ACOT11: variants seen among roughly 807,000 people sequenced by gnomAD.
ACOT11 encodes the protein acyl-coenzyme A thioesterase 11.
ACOT11 carries 69 observed loss-of-function variants against 77.5 expected under a neutral mutation model. The observed-to-expected ratio is 0.89, with a 90% CI of 0.73 to 1.09. The LOEUF (loss-of-function observed/expected upper bound fraction) is 1.09, where lower values mean the gene tolerates loss of function less well. Among genes scored for constraint, ACOT11 ranks in the 50% least tolerant of loss-of-function variants. The pLI is 0.00. For missense variants in ACOT11, 766 were observed against 813.7 expected (o/e 0.94, Z 0.71); for synonymous variants, 279 against 313.0 (o/e 0.89, Z 1.15).
chr1:54,610,072 A>G lies in ACOT11; in HGVS notation c.*960A>G, dbSNP rs1455822150. 5 of 1,438,142 alleles carry G rather than the reference A, an allele frequency of 3.5e-6. No individual in the cohort carries two copies. Among genetic ancestry groups the G allele is most frequent in the Non-Finnish European group, 3.6e-6 (4 of 1,101,294 alleles). 89.1% of individuals were successfully genotyped at this position (1,438,142 alleles called of 1,614,324 possible). A position where few individuals can be genotyped will look rare whatever the true frequency, so the allele number is the denominator to read the frequency against. On this transcript the variant is annotated 3_prime_UTR_variant, in exon 16 of 16. Transcript: ENST00000343744. Reference sequence around the variant, plus strand: ...TTGCCTCTCTGGAATCTGTCAACCCAGTTTTGGGCTCCAGGTGGATGGGTT... The same window carrying G: ...TTGCCTCTCTGGAATCTGTCAACCCGGTTTTGGGCTCCAGGTGGATGGGTT...
intron 1 of ACOT11, among the ~76,000 whole-genome samples, chr1:54,550,362 C>T (rs1459306780): frequency 6.6e-6 from 1 of 152,198 alleles, no homozygotes; most frequent in East Asian, 1.9e-4. Flanking sequence ...TAAGAACACT[C>T]TGGCCTTGAT....
chr1:54,637,932 A>G (rs1644339940), exon 17 of ACOT11: 1 of 152,142 alleles, frequency 6.6e-6, no homozygotes, highest in Admixed American at 6.5e-5. Context: ...ATCCATACCT[A>G]TATGTGGCAT....
chr1:54,620,333 G>T (rs1031489167), intron 15 of ACOT11, among the ~76,000 whole-genome samples: 1 of 152,228 alleles, frequency 6.6e-6, no homozygotes, highest in Non-Finnish European at 1.5e-5. Context: ...GAAAGCAAAG[G>T]CTTGGCTTCA....
chr1:54,568,340 T>C (rs1569669519), intron 1 of ACOT11, among the ~76,000 whole-genome samples: 1 of 151,594 alleles, frequency 6.6e-6, no homozygotes, highest in East Asian at 1.9e-4. Context: ...CTATGTCTGT[T>C]TAAGGTTTTC....
chr1:54,570,180 C>A (rs1653884295), intron 1 of ACOT11, among the ~76,000 whole-genome samples: 1 of 152,216 alleles, frequency 6.6e-6, no homozygotes, highest in Non-Finnish European at 1.5e-5. Flanking sequence ...CTACAAAATG[C>A]AAAGGCTTCC....
intron 1 of ACOT11, among the ~76,000 whole-genome samples, chr1:54,575,180 C>T (rs552952891): frequency 1.7e-3 from 256 of 152,290 alleles, no homozygotes; most frequent in Non-Finnish European, 3.1e-3. Flanking sequence ...GGCTGGGCAC[C>T]TTAGGCAGGA....
Position 54,605,128 on chromosome 1 carries a change from T to C in ACOT11, c.1289T>C (p.Met430Thr), listed in dbSNP as rs1307096660. ...DDKFLSFHME[M>T]VVHVDAAQAF... ...AAGTTCCTCTCCTTCCACATGGAGA[T>C]GGTGGTGCATGTGGATGCAGCCCAG... Residue 430 changes from methionine to threonine, a missense_variant, in exon 13 of 16, where the codon ATG (methionine) becomes ACG (threonine). Coordinates refer to ENST00000343744, the MANE Select transcript of ACOT11 (RefSeq NM_147161.4). The C allele has an allele frequency of 6.2e-7, 1 of 1,614,034 alleles. No individual in the cohort carries two copies. Among genetic ancestry groups the C allele is most frequent in the Non-Finnish European group, 8.5e-7 (1 of 1,180,026 alleles).
chr1:54,597,951 C>T (rs1373446761), intron 7 of ACOT11: 1 of 155,482 alleles, frequency 6.4e-6, no homozygotes, highest in African/African-American at 2.4e-5. Context: ...TTGTTCTACC[C>T]TAAATATCAG....
At chr1:54,613,639 T>C (rs778814179), downstream of ACOT11, among the ~76,000 whole-genome samples, 1 of 152,194 alleles carries the variant, frequency 6.6e-6, no homozygotes, top group African/African-American at 2.4e-5. Flanking sequence ...TTTTTTTCTT[T>C]GTACTTTTCT....
At chr1:54,549,368 TG>T (rs1237962166) in intron 1 of ACOT11, among the ~76,000 whole-genome samples, 1 of 152,190 alleles carries the variant, frequency 6.6e-6, no homozygotes, top group East Asian at 1.9e-4. Flanking sequence ...CCCACCCCTC[TG>T]CTGTCCCTGC....
downstream of ACOT11, chr1:54,614,574 C>T: frequency 1.1e-6 from 1 of 951,804 alleles, no homozygotes; most frequent in African/African-American, 1.7e-5. Flanking sequence ...TGTGCAAAGG[C>T]TCAGAGGTGA....
chr1:54,602,591 C>T lies in ACOT11; in HGVS notation c.1030-78C>T, dbSNP rs1643977094. Reference sequence around the variant, plus strand: ...ACTCCACGTTAGGGCTGCAGGAACTCCTTGGGCCCTGGGGGATGGAGAGGG... The same window carrying T: ...ACTCCACGTTAGGGCTGCAGGAACTTCTTGGGCCCTGGGGGATGGAGAGGG... On this transcript the variant is annotated intron_variant, in intron 9 of 15. Coordinates refer to ENST00000343744, the MANE Select transcript of ACOT11 (RefSeq NM_147161.4). 3.0e-6 allele frequency: 4 copies of T among 1,354,480 alleles called. No homozygotes were observed. The South Asian group carries it at 5.2e-5, about 17-fold the overall frequency. 83.9% of individuals were successfully genotyped at this position (1,354,480 alleles called of 1,614,324 possible).
intron 1 of ACOT11, among the ~76,000 whole-genome samples, chr1:54,567,764 GC>G (rs1479745955): frequency 6.6e-6 from 1 of 152,056 alleles, no homozygotes; most frequent in Non-Finnish European, 1.5e-5. Context: ...AAGACCTGTT[GC>G]TTCTACCTCC....
At chr1:54,623,652 G>A in intron 15 of ACOT11, 1 of 407,026 alleles carries the variant, frequency 2.5e-6, no homozygotes, top group South Asian at 4.0e-5. Context: ...TATCTAAAAT[G>A]ACCTTTGAGC....
intron 1 of ACOT11, among the ~76,000 whole-genome samples, chr1:54,555,592 A>G (rs1252582247): frequency 1.3e-5 from 2 of 152,130 alleles, no homozygotes; most frequent in Non-Finnish European, 2.9e-5. Flanking sequence ...AAGAAATCAC[A>G]TCTATTTTTG....
chr1:54,604,513 A>G lies in ACOT11; in HGVS notation c.1236+84A>G. The G allele has an allele frequency of 5.7e-6, 7 of 1,237,726 alleles. No individual in the cohort carries two copies. The African/African-American group carries it at 8.9e-5, about 16-fold the overall frequency. 76.7% of individuals were successfully genotyped at this position (1,237,726 alleles called of 1,614,324 possible). ...CAAGCAACAAGAACTCTCCCACACC[A>G]CTTATGTCAAAAAAAGATCTCTTCA... On this transcript the variant is annotated intron_variant, in intron 12 of 15. Coordinates refer to ENST00000343744, the MANE Select transcript of ACOT11 (RefSeq NM_147161.4).
chr1:54,601,158 C>T (rs943818866), intron 8 of ACOT11, 111 bp from the exon 9 acceptor site: 8 of 1,295,866 alleles, frequency 6.2e-6, no homozygotes, highest in Non-Finnish European at 8.6e-6. Flanking sequence ...TGTGTGCATG[C>T]ATGTGTGTGG....
chr1:54,614,753 A>G (rs777611848), downstream of ACOT11: 4 of 1,614,102 alleles, frequency 2.5e-6, no homozygotes, highest in South Asian at 1.1e-5. Flanking sequence ...TTAAGATGTC[A>G]GCGTTGATCC....
exon 17 of ACOT11, chr1:54,635,158 A>T (rs975372883): frequency 8.4e-6 from 2 of 237,906 alleles, no homozygotes; most frequent in African/African-American, 4.7e-5. Context: ...GAAAAAATGA[A>T]CGTACTTATT....
Sources: allele counts gnomAD v4.1 joint callset (sites outside exome capture counted in the v4.1 genomes callset), GRCh38; gene constraint gnomAD v4.1.1; transcripts MANE v1.5; gene names NCBI Gene and HGNC (gene_info 2026-07-23, HGNC 2026-07-21).